RHOC: variants seen among roughly 807,000 people sequenced by gnomAD.
The protein encoded by RHOC is ras homolog family member C.
In RHOC, 13 loss-of-function variants were observed where a neutral mutation model predicts 19.5. The observed-to-expected ratio is 0.67, with a 90% CI of 0.43 to 1.06. The LOEUF (loss-of-function observed/expected upper bound fraction) is 1.06. Ranked by LOEUF, RHOC falls within the 50% of genes least tolerant of loss-of-function variation. The pLI, the probability that RHOC is intolerant of heterozygous loss-of-function variation, is 0.00. For synonymous variants in RHOC, 106 were observed against 97.3 expected (o/e 1.09, Z -0.52); for missense variants, 173 against 256.9 (o/e 0.67, Z 2.23).
intron 3 of RHOC, 57 bp from the exon 4 acceptor site, chr1:112,703,176 G>A: frequency 6.2e-7 from 1 of 1,604,538 alleles, no homozygotes; most frequent in Middle Eastern, 1.9e-4. Flanking sequence ...GCCACCCAAA[G>A]GTCCCCTGAA....
chr1:112,701,320 A>G lies in RHOC; in HGVS notation c.*220T>C. 1.5e-6 allele frequency: 2 copies of G among 1,330,910 alleles called. No individual in the cohort carries two copies. The highest frequency in any genetic ancestry group is 2.0e-6 in the Non-Finnish European group (2 of 983,238). The allele number at this position is 1,330,910 out of a possible 1,614,324, so 82.4% of individuals were successfully genotyped here. On this transcript the variant is annotated 3_prime_UTR_variant, in exon 6 of 6. Coordinates refer to ENST00000339083, the MANE Select transcript of RHOC (RefSeq NM_175744.5). ...GAAGGTCAAAGGGGGCAAGATCCCC[A>G]GGGGCCCTGAGGAAGGGCAGGGCAT...
intron 2 of RHOC, chr1:112,704,575 G>C (rs150840012): frequency 2.4e-5 from 4 of 168,776 alleles, no homozygotes; most frequent in African/African-American, 9.5e-5. Flanking sequence ...ACTCAAAGTC[G>C]TGCCTCTTCG....
At chr1:112,706,430 TACA>T (rs1674845494) in intron 1 of RHOC, among the ~76,000 whole-genome samples, 2 of 49,694 alleles carry the variant, frequency 4.0e-5, no homozygotes, top group African/African-American at 8.7e-5. Flanking sequence ...TCTCTCTCTC[TACA>T]CACACACACA....
At position 112,701,541 on chromosome 1, in the gene RHOC, CAG is replaced by C; in HGVS notation, c.579_580del (p.Ter194ArgfsTer130). ...CATGTAGGAAAGGCCTTGGGGATCT[CAG>C]AGAATGGGACAGCCCCTCCGACGCT... On this transcript the variant is annotated frameshift_variant and stop_lost, in exon 6 of 6. Transcript: ENST00000339083. LOFTEE classifies it high-confidence loss of function. The C allele has an allele frequency of 1.2e-6, 2 of 1,614,106 alleles. No homozygotes were observed. Among genetic ancestry groups the C allele is most frequent in the Non-Finnish European group, 8.5e-7 (1 of 1,179,992 alleles).
rs369549108 is a variant in RHOC, at chr1:112,702,965, G to C, written c.277+34C>G. ...GCACGAGACCTCTGGCTGATTCCAA[G>C]GGGTTCTCAGTCCCCTCCCTCCAAT... On this transcript the variant is annotated intron_variant, in intron 4 of 5. Coordinates refer to ENST00000339083, the MANE Select transcript of RHOC (RefSeq NM_175744.5). 3.1e-6 allele frequency: 5 copies of C among 1,608,418 alleles called. No individual in the cohort carries two copies. The African/African-American group carries it at 6.7e-5, about 22-fold the overall frequency.
At position 112,701,137 on chromosome 1, in the gene RHOC, C is replaced by T. The variant is rs1000114216; in HGVS notation, c.*403G>A. ...CCGAAAGCTGCCACACACGTTGGAG[C>T]CTGTAGCCTTTATTCATGCCCCCCT... On this transcript the variant is annotated 3_prime_UTR_variant, in exon 6 of 6. Coordinates refer to ENST00000339083, the MANE Select transcript of RHOC (RefSeq NM_175744.5). 1.5e-5 allele frequency: 7 copies of T among 462,498 alleles called. No individual in the cohort carries two copies. The highest frequency in any genetic ancestry group is 1.5e-4 in the Admixed American group (4 of 27,002). The allele number at this position is 462,498 out of a possible 1,614,324, so 28.6% of individuals were successfully genotyped here.
chr1:112,706,460 CACACCACACACACACACACACA>C (rs1674865759), intron 1 of RHOC, among the ~76,000 whole-genome samples: 1 of 21,580 alleles, frequency 4.6e-5, no homozygotes, highest in African/African-American at 2.0e-4. Context: ...CACACACACA[CACACCACACACACACACACACA>C]CACACACACA....
intron 1 of RHOC, chr1:112,705,903 A>AC (rs1674819689): frequency 3.0e-6 from 1 of 334,534 alleles, no homozygotes; most frequent in African/African-American, 2.1e-5. Context: ...GAGGACAGAA[A>AC]CCCGGGGTTG....
At chr1:112,707,209 G>C (rs1167505609), upstream of RHOC, 4 of 150,184 alleles carry the variant, frequency 2.7e-5, no homozygotes, top group East Asian at 8.0e-4. Context: ...GCCGGGGGCG[G>C]CCCTTGGCTC....
At chr1:112,702,743 A>G (rs1674699883) in intron 4 of RHOC, 50 bp from the exon 5 acceptor site, 2 of 1,610,604 alleles carry the variant, frequency 1.2e-6, no homozygotes, top group East Asian at 2.2e-5. Context: ...TAAGCTAGAA[A>G]GCTCCCCTGG....
At position 112,705,083 on chromosome 1, in the gene RHOC, T is replaced by C; in HGVS notation, c.-8+17A>G. On this transcript the variant is annotated intron_variant, in intron 2 of 5. Coordinates refer to ENST00000339083, the MANE Select transcript of RHOC (RefSeq NM_175744.5). ...CAGCTTCCCTCACTTCCTCCTTCCC[T>C]GGGGAGGGGAACTGACCTCCAGCCG... 1 of 702,358 alleles carries C rather than the reference T, an allele frequency of 1.4e-6. No homozygotes were observed. The highest frequency in any genetic ancestry group is 2.6e-6 in the Non-Finnish European group (1 of 384,748). The allele number at this position is 702,358 out of a possible 1,614,324, so 43.5% of individuals were successfully genotyped here. A position where few individuals can be genotyped will look rare whatever the true frequency, so the allele number is the denominator to read the frequency against.
At chr1:112,704,764 C>A (rs1254647751) in intron 2 of RHOC, 3 of 282,648 alleles carry the variant, frequency 1.1e-5, no homozygotes, top group Non-Finnish European at 2.0e-5. Flanking sequence ...CTGCCTTCCT[C>A]CCCCCTTCCT....
rs1674923738 is a variant in RHOC, at chr1:112,707,114, C to T, written c.-113G>A. 6.6e-6 allele frequency: 1 copy of T among 151,784 alleles called. No individual in the cohort carries two copies. The highest frequency in any genetic ancestry group is 1.5e-5 in the Non-Finnish European group (1 of 67,960). 9.4% of individuals were successfully genotyped at this position (151,784 alleles called of 1,614,324 possible). On this transcript the variant is annotated 5_prime_UTR_variant, in exon 1 of 6. Transcript: ENST00000339083. ...CCGCCTCCAGCTGCGCGGCCGGTGC[C>T]GGAGGCTCAGACTGACCCCAGGGCC...
chr1:112,702,471 G>T, intron 5 of RHOC, 92 bp downstream of exon 5: 2 of 1,368,802 alleles, frequency 1.5e-6, no homozygotes, highest in Non-Finnish European at 2.0e-6. Context: ...CTAACACACG[G>T]CAGTAGCTGG....
At position 112,705,152 on chromosome 1, in the gene RHOC, C is replaced by T. The variant is rs1340578131; in HGVS notation, c.-60G>A. ...CAGGAAGAGAGGGCGGGCTCTGGAG[C>T]TGAGATGAAGTCAAGGCTGTTGGGA... On this transcript the variant is annotated 5_prime_UTR_variant, in exon 2 of 6. Transcript: ENST00000339083. The T allele has an allele frequency of 2.8e-6, 2 of 702,406 alleles. No homozygotes were observed. The highest frequency in any genetic ancestry group is 3.0e-5 in the South Asian group (2 of 67,596). 43.5% of individuals were successfully genotyped at this position (702,406 alleles called of 1,614,324 possible).
chr1:112,705,910 G>A (rs1036134134), intron 1 of RHOC: 6 of 339,160 alleles, frequency 1.8e-5, no homozygotes, highest in Admixed American at 1.5e-4. Flanking sequence ...GAAACCCGGG[G>A]TTGAGGCATG....
In RHOC at chr1:112,701,319, C is replaced by CA; in HGVS notation, c.*220dup. On this transcript the variant is annotated 3_prime_UTR_variant, in exon 6 of 6. Coordinates refer to ENST00000339083, the MANE Select transcript of RHOC (RefSeq NM_175744.5). The stretch of plus-strand genomic sequence containing the variant: ...GGAAGGTCAAAGGGGGCAAGATCCC[C>CA]AGGGGCCCTGAGGAAGGGCAGGGCA... 1 of 1,341,098 alleles carries CA rather than the reference C, an allele frequency of 7.5e-7. No individual in the cohort carries two copies. The highest frequency in any genetic ancestry group is 1.5e-5 in the South Asian group (1 of 67,946). 83.1% of individuals were successfully genotyped at this position (1,341,098 alleles called of 1,614,324 possible). A position where few individuals can be genotyped will look rare whatever the true frequency, so the allele number is the denominator to read the frequency against.
Position 112,703,807 on chromosome 1 carries a change from C to A in RHOC, c.-7-1G>T, listed in dbSNP as rs767496260. 6.2e-7 allele frequency: 1 copy of A among 1,608,286 alleles called. No individual in the cohort carries two copies. The highest frequency in any genetic ancestry group is 1.1e-5 in the South Asian group (1 of 89,224). ...CTTTCGGATTGCAGCCATGGTGGGG[C>A]TGCCAGGAAAGACGTATTGGGGATT... On this transcript the variant is annotated splice_acceptor_variant, in intron 2 of 5. Coordinates refer to ENST00000339083, the MANE Select transcript of RHOC (RefSeq NM_175744.5). LOFTEE classifies it low-confidence loss of function (5UTR_SPLICE).
In RHOC at chr1:112,703,792, G is replaced by A. The variant is rs1484661530; in HGVS notation, c.8C>T (p.Ala3Val). The change falls in exon 3 of 6, where the codon GCA becomes GTA. Residue 3 changes from alanine to valine, a missense_variant. By Grantham distance (64) the Ala-to-Val change is moderately conservative. Coordinates refer to ENST00000339083, the MANE Select transcript of RHOC (RefSeq NM_175744.5). Reference sequence around the variant, plus strand: ...AACGATCACCAGCTTCTTTCGGATTGCAGCCATGGTGGGGCTGCCAGGAAA... The same window carrying A: ...AACGATCACCAGCTTCTTTCGGATTACAGCCATGGTGGGGCTGCCAGGAAA... MAAIRKKLVIVGD... is the reference protein window; with the variant it reads MAVIRKKLVIVGD... 1 of 1,611,020 alleles carries A rather than the reference G, an allele frequency of 6.2e-7. No homozygotes were observed.
Sources: allele counts gnomAD v4.1 joint callset (sites outside exome capture counted in the v4.1 genomes callset), GRCh38; gene constraint gnomAD v4.1.1; transcripts MANE v1.5; gene names NCBI Gene and HGNC (gene_info 2026-07-23, HGNC 2026-07-21).